GOLPH3: variants seen among roughly 807,000 people sequenced by gnomAD.
The protein encoded by GOLPH3 is golgi phosphoprotein 3, also known as coat protein GPP34.
A neutral mutation model predicts 28.5 loss-of-function variants in GOLPH3; 14 were observed. That is an observed-to-expected ratio of 0.49 (90% confidence interval 0.32 to 0.77). The LOEUF (loss-of-function observed/expected upper bound fraction) is 0.77. Ranked by LOEUF, GOLPH3 falls within the 30% of genes least tolerant of loss-of-function variation. The probability of loss-of-function intolerance (pLI) is 0.03; values close to 1 mark genes in which losing one functional copy is unlikely to be tolerated. For synonymous variants in GOLPH3, 158 were observed against 159.2 expected (o/e 0.99, Z 0.06); for missense variants, 350 against 393.7 (o/e 0.89, Z 0.94).
In GOLPH3 at chr5:32,166,280, T is replaced by C. The variant is rs189888447; in HGVS notation, c.225+7530A>G. 5.7e-4 allele frequency among the ~76,000 whole-genome samples: 87 copies of C among 152,336 alleles called. 1 individual carries two copies. Among genetic ancestry groups the C allele is most frequent in the African/African-American group, 1.8e-3 (75 of 41,584 alleles). On this transcript the variant is annotated intron_variant, in intron 1 of 3. Coordinates refer to ENST00000265070, the MANE Select transcript of GOLPH3 (RefSeq NM_022130.4). ...GCAATACACTGTACTTTAATATTAG[T>C]TGTGTTTTTGCAGATGAGAGGTTTA...
intron 1 of GOLPH3, among the ~76,000 whole-genome samples, chr5:32,152,004 T>C (rs904157938): frequency 6.6e-6 from 1 of 152,138 alleles, no homozygotes; most frequent in Non-Finnish European, 1.5e-5. Context: ...CGGTATGAAA[T>C]GATGGAGAAG....
chr5:32,125,977 A>C lies in GOLPH3; in HGVS notation c.*235T>G. ...AAAACAGGTAACAGTGAGGATGGCA[A>C]CAGGGAATGGAATGCCAATATGGCA... On this transcript the variant is annotated 3_prime_UTR_variant, in exon 4 of 4. Transcript: ENST00000265070. The C allele has an allele frequency of 2.2e-6, 1 of 453,366 alleles. No individual in the cohort carries two copies. Among genetic ancestry groups the C allele is most frequent in the East Asian group, 3.6e-5 (1 of 27,552 alleles). The allele number at this position is 453,366 out of a possible 1,614,324, so 28.1% of individuals were successfully genotyped here. A position where few individuals can be genotyped will look rare whatever the true frequency, so the allele number is the denominator to read the frequency against.
chr5:32,125,666 A>G lies in GOLPH3; in HGVS notation c.*546T>C, dbSNP rs1427278318. ...AATAATACAATAGATTTACATGGGA[A>G]GCAAAATCCAAGGGACATTTTATAT... On this transcript the variant is annotated 3_prime_UTR_variant, in exon 4 of 4. Coordinates refer to ENST00000265070, the MANE Select transcript of GOLPH3 (RefSeq NM_022130.4). 6.5e-6 allele frequency: 1 copy of G among 152,816 alleles called. No homozygotes were observed. Among genetic ancestry groups the G allele is most frequent in the Non-Finnish European group, 1.5e-5 (1 of 68,140 alleles). The allele number at this position is 152,816 out of a possible 1,614,324, so 9.5% of individuals were successfully genotyped here.
chr5:32,162,799 C>T (rs1276202942), intron 1 of GOLPH3, among the ~76,000 whole-genome samples: 1 of 152,198 alleles, frequency 6.6e-6, no homozygotes, highest in Admixed American at 6.5e-5. Context: ...AGGCCCATGG[C>T]CGGGCGCGGT....
intron 2 of GOLPH3, among the ~76,000 whole-genome samples, chr5:32,141,650 G>A (rs149301708): frequency 6.6e-5 from 10 of 152,116 alleles, no homozygotes; most frequent in Admixed American, 1.3e-4. Context: ...CTCTGATGCC[G>A]AGCCAAAGCT....
chr5:32,166,525 CA>C (rs1441376445), intron 1 of GOLPH3, among the ~76,000 whole-genome samples: 12 of 152,242 alleles, frequency 7.9e-5, no homozygotes, highest in African/African-American at 2.9e-4. Flanking sequence ...TACTAAAAAG[CA>C]GCAGCATGGC....
At chr5:32,138,065 G>A (rs975234239) in intron 2 of GOLPH3, among the ~76,000 whole-genome samples, 6 of 151,998 alleles carry the variant, frequency 3.9e-5, no homozygotes, top group South Asian at 4.2e-4. Flanking sequence ...CACCGCATCC[G>A]GGTAATTTTT....
rs1746916132 is a variant in GOLPH3, at chr5:32,173,999, C to T, written c.36G>A (p.Val12=). ...TGCGGGAGGCCTCGGTGCGCCGCTGCACCAGGCCGGAGCTGCGCTGGGTCA... is the reference window on the plus strand; with the variant it reads ...TGCGGGAGGCCTCGGTGCGCCGCTGTACCAGGCCGGAGCTGCGCTGGGTCA... ...TSLTQRSSGL[V]QRRTEASRNA... The change falls in exon 1 of 4, where the codon GTG becomes GTA. Residue 12 remains valine, a synonymous_variant. Coordinates refer to ENST00000265070, the MANE Select transcript of GOLPH3 (RefSeq NM_022130.4). 4 of 1,339,420 alleles carry T rather than the reference C, an allele frequency of 3.0e-6. No homozygotes were observed. The highest frequency in any genetic ancestry group is 2.8e-6 in the Non-Finnish European group (3 of 1,055,610). The allele number at this position is 1,339,420 out of a possible 1,614,324, so 83.0% of individuals were successfully genotyped here. A position where few individuals can be genotyped will look rare whatever the true frequency, so the allele number is the denominator to read the frequency against.
At chr5:32,127,352 C>T (rs1161615715) in intron 3 of GOLPH3, among the ~76,000 whole-genome samples, 2 of 152,148 alleles carry the variant, frequency 1.3e-5, no homozygotes, top group African/African-American at 2.4e-5. Context: ...AAATGATCTC[C>T]AATGAACATG....
rs1746133986 is a variant in GOLPH3 at position 32,143,763 on chromosome 5, G to C, written c.343C>G (p.Leu115Val). 6.2e-7 allele frequency: 1 copy of C among 1,607,578 alleles called. No individual in the cohort carries two copies. The highest frequency in any genetic ancestry group is 1.3e-5 in the African/African-American group (1 of 74,626). Reference protein sequence around the residue: ...LEACGMRRKSLLTRKVICKSD... With the variant: ...LEACGMRRKSVLTRKVICKSD... ...ACTCCTCTTACCTTTCTTGTTAATAGACTTTTACGTCTCATTCCACAAGCC... is the reference window on the plus strand; with the variant it reads ...ACTCCTCTTACCTTTCTTGTTAATACACTTTTACGTCTCATTCCACAAGCC... Residue 115 changes from leucine to valine, a missense_variant, in exon 2 of 4, where the codon CTA becomes GTA. Coordinates refer to ENST00000265070, the MANE Select transcript of GOLPH3 (RefSeq NM_022130.4).
chr5:32,172,907 G>A (rs1006624703), intron 1 of GOLPH3, among the ~76,000 whole-genome samples: 1 of 152,150 alleles, frequency 6.6e-6, no homozygotes, highest in South Asian at 2.1e-4. Context: ...AACAAATACA[G>A]CAAAACGTCA....
chr5:32,156,807 G>A (rs549638398), intron 1 of GOLPH3, among the ~76,000 whole-genome samples: 5 of 152,170 alleles, frequency 3.3e-5, no homozygotes, highest in African/African-American at 4.8e-5. Context: ...AGTAATGCTC[G>A]CTTGCCCGCC....
intron 2 of GOLPH3, among the ~76,000 whole-genome samples, chr5:32,136,424 C>T (rs640305): frequency 0.72 from 108,004 of 151,014 alleles, 38,931 homozygotes; most frequent in African/African-American, 0.82. Flanking sequence ...GAGGTTGCAG[C>T]GGGCCGAGAT....
chr5:32,158,913 G>A (rs567712092), intron 1 of GOLPH3, among the ~76,000 whole-genome samples: 2 of 152,122 alleles, frequency 1.3e-5, no homozygotes, highest in South Asian at 2.1e-4. Flanking sequence ...TATCTATGCT[G>A]TTAAAACTGT....
intron 2 of GOLPH3, among the ~76,000 whole-genome samples, chr5:32,140,495 T>TA (rs566905089): frequency 2.2e-3 from 292 of 135,662 alleles, no homozygotes; most frequent in African/African-American, 4.3e-3. Flanking sequence ...ACTAAACATA[T>TA]AAAAAAAAAA....
chr5:32,125,467 C>T lies in GOLPH3; in HGVS notation c.*745G>A, dbSNP rs902045383. 6.6e-6 allele frequency: 1 copy of T among 152,574 alleles called. No individual in the cohort carries two copies. The highest frequency in any genetic ancestry group is 1.5e-5 in the Non-Finnish European group (1 of 68,042). The allele number at this position is 152,574 out of a possible 1,614,324, so 9.5% of individuals were successfully genotyped here. A position where few individuals can be genotyped will look rare whatever the true frequency, so the allele number is the denominator to read the frequency against. Reference sequence around the variant, plus strand: ...CCATGATTGAAGCAAGCGAGGGGCACCAGGTGTACAACTGATTAGATCTTG... The same window carrying T: ...CCATGATTGAAGCAAGCGAGGGGCATCAGGTGTACAACTGATTAGATCTTG... On this transcript the variant is annotated 3_prime_UTR_variant, in exon 4 of 4. Transcript: ENST00000265070.
At chr5:32,153,050 G>A (rs1561674269) in intron 1 of GOLPH3, among the ~76,000 whole-genome samples, 1 of 152,116 alleles carries the variant, frequency 6.6e-6, no homozygotes, top group Non-Finnish European at 1.5e-5. Flanking sequence ...TTATCTGTAG[G>A]AGCAAAAGTT....
intron 1 of GOLPH3, among the ~76,000 whole-genome samples, chr5:32,168,249 G>A (rs574749736): frequency 1.3e-5 from 2 of 152,278 alleles, no homozygotes; most frequent in East Asian, 1.9e-4. Context: ...ATCACCACAC[G>A]TATAGAAAGG....
intron 2 of GOLPH3, among the ~76,000 whole-genome samples, chr5:32,142,188 TG>T (rs1444213006): frequency 6.7e-6 from 1 of 148,400 alleles, no homozygotes; most frequent in Non-Finnish European, 1.5e-5. Flanking sequence ...CCATCACATC[TG>T]GGAAGTGAGG....
Sources: gnomAD v4.1 joint callset for allele counts (sites outside exome capture counted in the v4.1 genomes callset) on GRCh38, gnomAD v4.1.1 for gene constraint, MANE v1.5 for transcripts, NCBI Gene and HGNC (gene_info 2026-07-23, HGNC 2026-07-21) for gene names.